SYNPR: variants seen among roughly 807,000 people sequenced by gnomAD.
The protein encoded by SYNPR is synaptoporin.
SYNPR carries 23 observed loss-of-function variants against 32.9 expected under a neutral mutation model. The ratio of observed to expected loss-of-function variants is 0.70; its 90% CI spans 0.50 to 0.99. The LOEUF is 0.99. Ranked by LOEUF, SYNPR falls within the 50% of genes least tolerant of loss-of-function variation. The probability of loss-of-function intolerance (pLI) is 0.00; values close to 1 mark genes in which losing one functional copy is unlikely to be tolerated. For synonymous variants in SYNPR, 146 were observed against 135.9 expected (o/e 1.07, Z -0.52); for missense variants, 318 against 349.3 (o/e 0.91, Z 0.71).
chr3:63,352,821 G>A (rs1157262010), intron 2 of SYNPR, among the ~76,000 whole-genome samples: 1 of 152,066 alleles, frequency 6.6e-6, no homozygotes, highest in Non-Finnish European at 1.5e-5. Context: ...ATGTGTAGGG[G>A]AGCTCCCCTT....
chr3:63,238,650 G>A (rs2086215922), intron 1 of SYNPR, among the ~76,000 whole-genome samples: 1 of 152,132 alleles, frequency 6.6e-6, no homozygotes, highest in Non-Finnish European at 1.5e-5. Flanking sequence ...TTAATTCTGT[G>A]ATATAAAATA....
chr3:63,366,817 A>G (rs1242929013), intron 2 of SYNPR, among the ~76,000 whole-genome samples: 1 of 152,220 alleles, frequency 6.6e-6, no homozygotes, highest in South Asian at 2.1e-4. Flanking sequence ...AAAACACCTG[A>G]GCCATTGAAT....
intron 2 of SYNPR, among the ~76,000 whole-genome samples, chr3:63,406,152 C>T (rs768463434): frequency 6.6e-6 from 1 of 150,694 alleles, no homozygotes; most frequent in African/African-American, 2.4e-5. Flanking sequence ...TAGAGAACAA[C>T]GAGATGAGGA....
intron 4 of SYNPR, among the ~76,000 whole-genome samples, chr3:63,605,710 G>A (rs1700107740): frequency 6.6e-6 from 1 of 152,184 alleles, no homozygotes; most frequent in South Asian, 2.1e-4. Context: ...ATATGTGGTG[G>A]GAAAGAAAGC....
chr3:63,448,263 C>A (rs1026861305), intron 2 of SYNPR, among the ~76,000 whole-genome samples: 1 of 152,198 alleles, frequency 6.6e-6, no homozygotes, highest in Non-Finnish European at 1.5e-5. Flanking sequence ...CTCGGTCTCC[C>A]AAAGTGCTGG....
intron 4 of SYNPR, among the ~76,000 whole-genome samples, chr3:63,562,090 G>A (rs374981136): frequency 2.0e-4 from 30 of 152,136 alleles, no homozygotes; most frequent in East Asian, 3.9e-4. Context: ...AGAAATGTCC[G>A]TGTGAATGGT....
intron 2 of SYNPR, among the ~76,000 whole-genome samples, chr3:63,341,999 C>T (rs984480034): frequency 1.4e-4 from 22 of 152,108 alleles, no homozygotes; most frequent in Admixed American, 7.9e-4. Flanking sequence ...TTGCATTTTA[C>T]GTTTAGATGT....
chr3:63,358,710 A>G (rs1003401299), intron 2 of SYNPR, among the ~76,000 whole-genome samples: 6 of 152,204 alleles, frequency 3.9e-5, no homozygotes, highest in Non-Finnish European at 8.8e-5. Context: ...TAATTAACAC[A>G]TACTATGTTC....
chr3:63,458,705 A>G (rs1304774869), intron 2 of SYNPR, among the ~76,000 whole-genome samples: 3 of 152,006 alleles, frequency 2.0e-5, no homozygotes, highest in Non-Finnish European at 4.4e-5. Context: ...TATTACAATT[A>G]TTTTTACAAT....
At chr3:63,308,028 G>A (rs1489554432) in intron 2 of SYNPR, among the ~76,000 whole-genome samples, 1 of 152,004 alleles carries the variant, frequency 6.6e-6, no homozygotes. Flanking sequence ...ATAATCTTCA[G>A]TAACATTAGA....
intron 4 of SYNPR, among the ~76,000 whole-genome samples, chr3:63,596,405 CCT>C (rs1195613832): frequency 6.6e-6 from 1 of 151,058 alleles, no homozygotes; most frequent in African/African-American, 2.4e-5. Context: ...CTGCTCCTCC[CCT>C]CTCTCATCCT....
intron 3 of SYNPR, among the ~76,000 whole-genome samples, chr3:63,523,662 C>T (rs1221762871): frequency 6.6e-6 from 1 of 152,238 alleles, no homozygotes; most frequent in East Asian, 1.9e-4. Context: ...TCAGAAATAG[C>T]CATCTTACCT....
At chr3:63,334,757 T>C (rs2087266725) in intron 2 of SYNPR, among the ~76,000 whole-genome samples, 1 of 152,184 alleles carries the variant, frequency 6.6e-6, no homozygotes, top group Admixed American at 6.5e-5. Context: ...CTGATGAGCA[T>C]TTTCTTTGAT....
intron 1 of SYNPR, among the ~76,000 whole-genome samples, chr3:63,247,230 T>C (rs1278680444): frequency 6.6e-6 from 1 of 152,156 alleles, no homozygotes; most frequent in Non-Finnish European, 1.5e-5. Flanking sequence ...AATTCAGTCT[T>C]CTAAATACTA....
chr3:63,390,451 C>T (rs923905089), intron 2 of SYNPR, among the ~76,000 whole-genome samples: 2 of 152,076 alleles, frequency 1.3e-5, no homozygotes, highest in Non-Finnish European at 2.9e-5. Context: ...CTGAGCTGAC[C>T]CCTAAAAGAA....
chr3:63,478,512 A>G (rs1382298560), intron 2 of SYNPR, among the ~76,000 whole-genome samples: 1 of 152,226 alleles, frequency 6.6e-6, no homozygotes. Context: ...TGTATGTTAC[A>G]TGCTGGACAC....
At chr3:63,312,245 A>T (rs2086973687) in intron 2 of SYNPR, among the ~76,000 whole-genome samples, 1 of 152,046 alleles carries the variant, frequency 6.6e-6, no homozygotes, top group African/African-American at 2.4e-5. Flanking sequence ...TATGTGCTCC[A>T]AGATATATGC....
intron 3 of SYNPR, among the ~76,000 whole-genome samples, chr3:63,540,571 A>T (rs905919516): frequency 1.3e-5 from 2 of 152,080 alleles, no homozygotes; most frequent in African/African-American, 4.8e-5. Flanking sequence ...GGAAGGAAAA[A>T]GAGGGAAGGG....
At chr3:63,537,827 A>C (rs1479397008) in intron 3 of SYNPR, among the ~76,000 whole-genome samples, 1 of 152,148 alleles carries the variant, frequency 6.6e-6, no homozygotes, top group Admixed American at 6.6e-5. Context: ...GACCCAGGGT[A>C]AGCTGAGCTT....
Sources: allele counts gnomAD v4.1 joint callset (sites outside exome capture counted in the v4.1 genomes callset), GRCh38; gene constraint gnomAD v4.1.1; transcripts MANE v1.5; gene names NCBI Gene and HGNC (gene_info 2026-07-23, HGNC 2026-07-21).